Variants in SPMIP11 observed in about 807,000 individuals in gnomAD.
SPMIP11 encodes the protein sperm microtubule inner protein 11.
the SPMIP11 span, among the ~76,000 whole-genome samples, chr12:48,751,634 T>A: frequency 6.6e-6 from 1 of 152,070 alleles, no homozygotes; most frequent in Non-Finnish European, 1.5e-5. Context: ...TTATCAAGTA[T>A]CCAAAGATGT....
the SPMIP11 span, among the ~76,000 whole-genome samples, chr12:48,734,374 G>A: frequency 9.9e-5 from 15 of 152,146 alleles, no homozygotes; most frequent in Non-Finnish European, 2.2e-4. Context: ...TCCTCCCAAA[G>A]TTCTGGGATT....
the SPMIP11 span, among the ~76,000 whole-genome samples, chr12:48,738,597 C>G: frequency 6.6e-6 from 1 of 151,048 alleles, no homozygotes. Context: ...TCCAGTGGCG[C>G]GATCTTGGCT....
chr12:48,752,066 C>CAAAAA, the SPMIP11 span, among the ~76,000 whole-genome samples: 3 of 101,736 alleles, frequency 2.9e-5, no homozygotes, highest in African/African-American at 4.5e-5. Context: ...GACTCTGCCT[C>CAAAAA]AAAAAAAAAA....
the SPMIP11 span, among the ~76,000 whole-genome samples, chr12:48,731,165 AC>A: frequency 2.6e-5 from 4 of 151,898 alleles, no homozygotes; most frequent in Non-Finnish European, 5.9e-5. Context: ...TAACCCCCAA[AC>A]CCTGAATTCA....
chr12:48,766,208 T>C, the SPMIP11 span: 2 of 152,760 alleles, frequency 1.3e-5, no homozygotes. Flanking sequence ...ACAAAGAGTT[T>C]GATTTTATTG....
chr12:48,745,256 G>A, the SPMIP11 span, among the ~76,000 whole-genome samples: 1 of 151,488 alleles, frequency 6.6e-6, no homozygotes, highest in Non-Finnish European at 1.5e-5. Context: ...CCAGCCTGGG[G>A]GGCAGTGTGA....
chr12:48,767,026 A>T, the SPMIP11 span: 4 of 152,430 alleles, frequency 2.6e-5, no homozygotes, highest in South Asian at 6.2e-4. Context: ...AGCTAGAAAC[A>T]TGCTAGACTC....
At chr12:48,741,546 C>T in the SPMIP11 span, among the ~76,000 whole-genome samples, 1 of 152,152 alleles carries the variant, frequency 6.6e-6, no homozygotes, top group Admixed American at 6.5e-5. Context: ...TGAACTTTGA[C>T]CACTAAAGGT....
chr12:48,735,032 G>A, the SPMIP11 span, among the ~76,000 whole-genome samples: 1 of 150,448 alleles, frequency 6.6e-6, no homozygotes, highest in Non-Finnish European at 1.5e-5. Flanking sequence ...AAGAAGAGGA[G>A]GAGGAGGAGG....
chr12:48,767,538 C>T, the SPMIP11 span: 1 of 152,786 alleles, frequency 6.5e-6, no homozygotes, highest in Non-Finnish European at 1.5e-5. Context: ...CAAAGACCAA[C>T]ATGCACACAC....
At chr12:48,729,852 G>A in the SPMIP11 span, among the ~76,000 whole-genome samples, 69 of 152,150 alleles carry the variant, frequency 4.5e-4, 1 homozygote, top group African/African-American at 1.4e-3. Flanking sequence ...TACCCCTGAT[G>A]GACCTTAGAG....
At chr12:48,755,000 G>A in the SPMIP11 span, among the ~76,000 whole-genome samples, 2 of 150,636 alleles carry the variant, frequency 1.3e-5, no homozygotes, top group East Asian at 3.9e-4. Context: ...GAGGCACAAA[G>A]GTAGACTCTT....
the SPMIP11 span, among the ~76,000 whole-genome samples, chr12:48,741,293 C>T: frequency 6.6e-6 from 1 of 151,916 alleles, no homozygotes; most frequent in Non-Finnish European, 1.5e-5. Flanking sequence ...TCAGGTGATC[C>T]ACCCACCACA....
the SPMIP11 span, among the ~76,000 whole-genome samples, chr12:48,754,671 C>T: frequency 1.1e-4 from 17 of 151,840 alleles, no homozygotes; most frequent in Non-Finnish European, 2.1e-4. Flanking sequence ...AGGATGGTCT[C>T]GATCTCCTGA....
chr12:48,754,183 T>C, the SPMIP11 span, among the ~76,000 whole-genome samples: 1 of 152,102 alleles, frequency 6.6e-6, no homozygotes, highest in East Asian at 1.9e-4. Context: ...GGAAGATTAT[T>C]TGAGCCCAGG....
the SPMIP11 span, among the ~76,000 whole-genome samples, chr12:48,746,583 T>C: frequency 1.3e-5 from 2 of 151,826 alleles, no homozygotes; most frequent in Admixed American, 6.6e-5. Context: ...GTCAGGCTGA[T>C]CTCGAACCCC....
At chr12:48,740,202 G>A in the SPMIP11 span, among the ~76,000 whole-genome samples, 1 of 152,130 alleles carries the variant, frequency 6.6e-6, no homozygotes, top group Non-Finnish European at 1.5e-5. Flanking sequence ...TATAGAAAAT[G>A]TGTAAGACTT....
the SPMIP11 span, chr12:48,759,126 A>G: frequency 5.9e-5 from 40 of 678,666 alleles, no homozygotes; most frequent in African/African-American, 6.0e-4. Context: ...CCTGCTATGC[A>G]TCTGGTTAGC....
At chr12:48,765,280 T>C in the SPMIP11 span, among the ~76,000 whole-genome samples, 1 of 152,168 alleles carries the variant, frequency 6.6e-6, no homozygotes, top group Non-Finnish European at 1.5e-5. Flanking sequence ...TCGCTACCTC[T>C]CCACCCCTCA....
Sources: gnomAD v4.1 joint callset for allele counts (sites outside exome capture counted in the v4.1 genomes callset) on GRCh38, gnomAD v4.1.1 for gene constraint, MANE v1.5 for transcripts, NCBI Gene and HGNC (gene_info 2026-07-23, HGNC 2026-07-21) for gene names.